ABHD12: variants seen among roughly 807,000 people sequenced by gnomAD.
ABHD12 encodes the protein abhydrolase domain containing 12, lysophospholipase.
ABHD12 carries 43 observed loss-of-function variants against 58.3 expected under a neutral mutation model. The observed-to-expected ratio is 0.74, with a 90% CI of 0.58 to 0.95. ABHD12 has a LOEUF of 0.95. ABHD12 is among the 40% of genes least tolerant of loss of function. The pLI is 0.00. For synonymous variants in ABHD12, 219 were observed against 211.2 expected, an observed-to-expected ratio of 1.04 and a Z score of -0.32; for missense variants, 539 against 537.2, an observed-to-expected ratio of 1.00 and a Z score of -0.03.
chr20:25,362,154 C>T lies in ABHD12; in HGVS notation c.192-22803G>A, dbSNP rs545934219. Among the ~76,000 whole-genome samples, 3 of 152,134 alleles carry T rather than the reference C, an allele frequency of 2.0e-5. No homozygotes were observed. In the East Asian group the frequency reaches 5.8e-4, roughly 29 times the overall value. ...AATTAGCTGGGCGTGGTGGCACATGCCTGTAATTCCAGCTACTCAGGAGGC... is the reference window on the plus strand; with the variant it reads ...AATTAGCTGGGCGTGGTGGCACATGTCTGTAATTCCAGCTACTCAGGAGGC... On this transcript the variant is annotated intron_variant, in intron 1 of 12. Coordinates refer to ENST00000339157, the MANE Select transcript of ABHD12 (RefSeq NM_001042472.3).
intron 10 of ABHD12, among the ~76,000 whole-genome samples, chr20:25,304,297 C>T (rs900932646): frequency 3.3e-5 from 5 of 152,258 alleles, no homozygotes; most frequent in African/African-American, 9.6e-5. Context: ...TGGCAGGAGG[C>T]ACACACTCTT....
At chr20:25,371,355 C>T (rs904452648) in intron 1 of ABHD12, among the ~76,000 whole-genome samples, 4 of 152,170 alleles carry the variant, frequency 2.6e-5, no homozygotes, top group African/African-American at 9.7e-5. Context: ...AACCTGGAGG[C>T]AGCAGCAGGC....
At chr20:25,363,488 A>C (rs946237107) in intron 1 of ABHD12, among the ~76,000 whole-genome samples, 3 of 151,492 alleles carry the variant, frequency 2.0e-5, no homozygotes, top group African/African-American at 7.3e-5. Context: ...AAGTGCTGGG[A>C]GAGCAGGCGT....
At chr20:25,387,753 ATATTCCAGGCCG>A (rs2090112125) in intron 1 of ABHD12, among the ~76,000 whole-genome samples, 1 of 151,718 alleles carries the variant, frequency 6.6e-6, no homozygotes, top group African/African-American at 2.4e-5. Context: ...TTGTTTAAAA[ATATTCCAGGCCG>A]GGCGCTGTGG....
At chr20:25,337,506 T>G (rs1396401556) in intron 2 of ABHD12, among the ~76,000 whole-genome samples, 1 of 152,248 alleles carries the variant, frequency 6.6e-6, no homozygotes, top group Non-Finnish European at 1.5e-5. Flanking sequence ...CTGTAGGCTG[T>G]GTGTCTACAG....
chr20:25,338,833 T>A (rs1192419555), intron 2 of ABHD12: 1 of 1,030,184 alleles, frequency 9.7e-7, no homozygotes, highest in Non-Finnish European at 1.2e-6. Flanking sequence ...ACAAGGCATC[T>A]CCAACATGAT....
At chr20:25,301,470 C>T (rs74798032) in intron 12 of ABHD12, among the ~76,000 whole-genome samples, 5,257 of 152,338 alleles carry the variant, frequency 0.035, 264 homozygotes, top group African/African-American at 0.12. Context: ...GCAGCCCCTC[C>T]GTGGGTCCAG....
At chr20:25,302,683 G>A (rs1230479119) in intron 11 of ABHD12, among the ~76,000 whole-genome samples, 1 of 152,202 alleles carries the variant, frequency 6.6e-6, no homozygotes, top group African/African-American at 2.4e-5. Flanking sequence ...GGGACAAAAG[G>A]TATGTGCCTC....
At chr20:25,360,748 A>G (rs936256368) in intron 1 of ABHD12, among the ~76,000 whole-genome samples, 1 of 152,210 alleles carries the variant, frequency 6.6e-6, no homozygotes, top group Non-Finnish European at 1.5e-5. Flanking sequence ...AAACCAGCAC[A>G]GGGGAAGACA....
At chr20:25,331,998 G>A (rs1447813645) in intron 2 of ABHD12, among the ~76,000 whole-genome samples, 1 of 152,056 alleles carries the variant, frequency 6.6e-6, no homozygotes, top group African/African-American at 2.4e-5. Context: ...CCAATTAAAA[G>A]ACACAGACTG....
chr20:25,304,620 T>C (rs148044634), intron 10 of ABHD12, among the ~76,000 whole-genome samples: 1 of 152,232 alleles, frequency 6.6e-6, no homozygotes, highest in Non-Finnish European at 1.5e-5. Context: ...CAGGCTGGAG[T>C]GCAGTGGTGC....
At chr20:25,369,466 C>T (rs1255742729) in intron 1 of ABHD12, among the ~76,000 whole-genome samples, 2 of 152,186 alleles carry the variant, frequency 1.3e-5, no homozygotes, top group Non-Finnish European at 2.9e-5. Context: ...AGGAACCTGT[C>T]TTGCAGAAAC....
At chr20:25,349,877 C>G (rs899092057) in intron 1 of ABHD12, among the ~76,000 whole-genome samples, 8 of 152,102 alleles carry the variant, frequency 5.3e-5, no homozygotes, top group Non-Finnish European at 1.2e-4. Context: ...TTATACACCT[C>G]AAAATGGTTA....
In ABHD12 at chr20:25,371,043, C is replaced by T. The variant is rs76243746; in HGVS notation, c.191+19470G>A. On this transcript the variant is annotated intron_variant, in intron 1 of 12. Transcript: ENST00000339157. ...TGTTCTACTTCCTCTTCCTTCCCTCCCATCATGAGCAAGCTGCAACTTACC... is the reference window on the plus strand; with the variant it reads ...TGTTCTACTTCCTCTTCCTTCCCTCTCATCATGAGCAAGCTGCAACTTACC... 1.1e-3 allele frequency among the ~76,000 whole-genome samples: 169 copies of T among 152,148 alleles called. 3 individuals carry two copies. The East Asian group carries it at 0.027, about 24-fold the overall frequency.
In ABHD12 at chr20:25,378,936, A is replaced by ATCCGCTAAACTTATCACAAGTG. The variant is rs543294898; in HGVS notation, c.191+11576_191+11577insCACTTGTGATAAGTTTAGCGGA. Among the ~76,000 whole-genome samples, 212 of 152,328 alleles carry ATCCGCTAAACTTATCACAAGTG rather than the reference A, an allele frequency of 1.4e-3. 1 individual carries two copies. Among genetic ancestry groups the ATCCGCTAAACTTATCACAAGTG allele is most frequent in the African/African-American group, 4.7e-3 (194 of 41,572 alleles). On this transcript the variant is annotated intron_variant, in intron 1 of 12. Transcript: ENST00000339157. ...TATCCGCTAAACTTATCACAAGTGA[A>ATCCGCTAAACTTATCACAAGTG]TGAGGCAACTCAGCCCACAACTACC... is the stretch of plus-strand genomic sequence containing the variant.
In ABHD12 at chr20:25,320,333, A is replaced by G. The variant is rs1055761383; in HGVS notation, c.423-15T>C. 3.1e-6 allele frequency: 5 copies of G among 1,613,000 alleles called. No homozygotes were observed. Among genetic ancestry groups the G allele is most frequent in the Non-Finnish European group, 3.4e-6 (4 of 1,180,022 alleles). ...GGACGGTGTGCCTGCAGACAGAAGC[A>G]GAGGGGAGCGCAGGATCAGATGTCC... is the stretch of plus-strand genomic sequence containing the variant. On this transcript the variant is annotated splice_polypyrimidine_tract_variant and intron_variant, in intron 3 of 12. Transcript: ENST00000339157.
At position 25,350,787 on chromosome 20, in the gene ABHD12, C is replaced by T. The variant is rs553392951; in HGVS notation, c.192-11436G>A. Among the ~76,000 whole-genome samples the T allele has an allele frequency of 9.8e-5, 15 of 152,290 alleles. 1 individual carries two copies. The South Asian group carries it at 3.1e-3, about 32-fold the overall frequency. On this transcript the variant is annotated intron_variant, in intron 1 of 12. Transcript: ENST00000339157. ...AATTACAGCAAATGCAGAAAGACAT[C>T]TTATCTGAACTTCCCTTACCTGACT...
intron 1 of ABHD12, among the ~76,000 whole-genome samples, chr20:25,367,503 C>A (rs1465599682): frequency 2.0e-5 from 3 of 152,196 alleles, no homozygotes; most frequent in African/African-American, 7.2e-5. Context: ...GTAATCACCA[C>A]TACCATCCAT....
At chr20:25,319,552 G>A (rs991009146) in intron 4 of ABHD12, among the ~76,000 whole-genome samples, 1 of 152,120 alleles carries the variant, frequency 6.6e-6, no homozygotes, top group Non-Finnish European at 1.5e-5. Flanking sequence ...CCCTGGCTCC[G>A]GCTTCACCTG....
Sources: allele counts gnomAD v4.1 joint callset (sites outside exome capture counted in the v4.1 genomes callset), GRCh38; gene constraint gnomAD v4.1.1; transcripts MANE v1.5; gene names NCBI Gene and HGNC (gene_info 2026-07-23, HGNC 2026-07-21).